The following NSG2 variants were observed in gnomAD, a reference collection of about 807,000 sequenced individuals.
NSG2 encodes the protein neuronal vesicle trafficking associated 2.
Under a neutral mutation model 16.9 loss-of-function variants are expected in NSG2, and 4 were observed. The ratio of observed to expected loss-of-function variants is 0.24; its 90% CI spans 0.12 to 0.54. The LOEUF is 0.54. Among genes scored for constraint, NSG2 ranks in the 20% least tolerant of loss-of-function variants. The pLI, the probability that NSG2 is intolerant of heterozygous loss-of-function variation, is 0.95. For synonymous variants in NSG2, 98 were observed against 88.7 expected (o/e 1.11, Z -0.59); for missense variants, 179 against 221.1 (o/e 0.81, Z 1.21).
rs776927072 is a variant in NSG2 at position 174,064,232 on chromosome 5, G to T, written c.130G>T (p.Val44Leu). 5 of 1,606,008 alleles carry T rather than the reference G, an allele frequency of 3.1e-6. No homozygotes were observed. The highest frequency in any genetic ancestry group is 4.3e-6 in the Non-Finnish European group (5 of 1,174,752). The change falls in exon 3 of 5, where the codon GTG (valine) becomes TTG (leucine). Residue 44 changes from valine (V) to leucine (L), a missense_variant and splice_region_variant. Physicochemically the swap from Val to Leu is conservative, Grantham distance 32 (BLOSUM62 1). Transcript: ENST00000303177. ...CTAACACACTGGTTGACTCTTTCAG[G>T]TGATTGTGAAGACAAGAACGGAATA... ...NHLQLPAPEK[V>L]IVKTRTEYQP...
chr5:174,055,738 A>G (rs2113423917), intron 2 of NSG2, among the ~76,000 whole-genome samples: 1 of 152,358 alleles, frequency 6.6e-6, no homozygotes, highest in Non-Finnish European at 1.5e-5. Context: ...AGTTTATTCC[A>G]TGGAAAGAGC....
chr5:174,097,129 T>C (rs1281041200), intron 3 of NSG2, among the ~76,000 whole-genome samples: 6 of 151,562 alleles, frequency 4.0e-5, no homozygotes, highest in South Asian at 2.1e-4. Context: ...GGAGGGAGGG[T>C]GGTGGGGCAG....
At chr5:174,078,676 G>A (rs1760389437) in intron 3 of NSG2, among the ~76,000 whole-genome samples, 1 of 152,168 alleles carries the variant, frequency 6.6e-6, no homozygotes. Flanking sequence ...GAAGTGATTA[G>A]GTCACGGGGG....
intron 3 of NSG2, among the ~76,000 whole-genome samples, chr5:174,099,177 C>T (rs1033450496): frequency 3.9e-5 from 6 of 152,112 alleles, no homozygotes; most frequent in Admixed American, 2.6e-4. Flanking sequence ...CAGGATGCCT[C>T]GCAGAACTGA....
chr5:174,066,627 A>G (rs1760143510), intron 3 of NSG2, among the ~76,000 whole-genome samples: 1 of 152,134 alleles, frequency 6.6e-6, no homozygotes, highest in Admixed American at 6.5e-5. Flanking sequence ...TCCAAATTTT[A>G]TGCAATGTGC....
chr5:174,060,294 AT>A (rs1322333426), intron 2 of NSG2, among the ~76,000 whole-genome samples: 1 of 152,116 alleles, frequency 6.6e-6, no homozygotes, highest in Admixed American at 6.5e-5. Context: ...CGGTTTTCAG[AT>A]TTTTCAAAAG....
chr5:174,071,610 G>T (rs1760243411), intron 3 of NSG2, among the ~76,000 whole-genome samples: 1 of 152,182 alleles, frequency 6.6e-6, no homozygotes, highest in African/African-American at 2.4e-5. Context: ...GATTTTTGCT[G>T]TTTCATCCGC....
intron 3 of NSG2, among the ~76,000 whole-genome samples, chr5:174,090,239 GA>G (rs1760700805): frequency 6.6e-6 from 1 of 152,084 alleles, no homozygotes; most frequent in South Asian, 2.1e-4. Flanking sequence ...CAAAAGAAAA[GA>G]AAAAAAGAGC....
At chr5:174,075,941 G>C (rs1760333945) in intron 3 of NSG2, among the ~76,000 whole-genome samples, 1 of 152,208 alleles carries the variant, frequency 6.6e-6, no homozygotes, top group South Asian at 2.1e-4. Context: ...CAAGTAACTG[G>C]GAGGGAATTT....
intron 3 of NSG2, among the ~76,000 whole-genome samples, chr5:174,082,075 G>A (rs552177807): frequency 8.5e-5 from 13 of 152,162 alleles, no homozygotes; most frequent in Non-Finnish European, 1.6e-4. Context: ...AAGAATTAAC[G>A]TACAAATAAA....
chr5:174,078,453 G>A (rs12515506), intron 3 of NSG2, among the ~76,000 whole-genome samples: 17,497 of 152,090 alleles, frequency 0.12, 1,209 homozygotes, highest in African/African-American at 0.19. Context: ...CCTGTTAATG[G>A]TTGTAGACAG....
At chr5:174,106,505 T>C (rs1005228587) in intron 4 of NSG2, among the ~76,000 whole-genome samples, 1 of 151,502 alleles carries the variant, frequency 6.6e-6, no homozygotes. Context: ...GTCATATTGG[T>C]GCTATTTTGT....
chr5:174,086,420 C>G (rs1760622767), intron 3 of NSG2: 1 of 152,194 alleles, frequency 6.6e-6, no homozygotes, highest in Non-Finnish European at 1.5e-5. Flanking sequence ...ATCAGATCAG[C>G]CATGTTAGAA....
At chr5:174,098,747 T>G (rs2113473977) in intron 3 of NSG2, among the ~76,000 whole-genome samples, 1 of 152,272 alleles carries the variant, frequency 6.6e-6, no homozygotes, top group East Asian at 1.9e-4. Flanking sequence ...CGGCTCACAG[T>G]AGGCCCTTTA....
At chr5:174,097,454 G>A (rs1760815423) in intron 3 of NSG2, among the ~76,000 whole-genome samples, 1 of 151,118 alleles carries the variant, frequency 6.6e-6, no homozygotes, top group Non-Finnish European at 1.5e-5. Context: ...GGATGTCTGG[G>A]GGGAGGCTGT....
chr5:174,084,812 G>T (rs1353899921), intron 3 of NSG2, among the ~76,000 whole-genome samples: 1 of 152,238 alleles, frequency 6.6e-6, no homozygotes, highest in Non-Finnish European at 1.5e-5. Flanking sequence ...TCGGCTGAGG[G>T]AAGATAATTT....
chr5:174,093,333 T>C (rs887406657), intron 3 of NSG2, among the ~76,000 whole-genome samples: 4 of 152,210 alleles, frequency 2.6e-5, no homozygotes, highest in African/African-American at 9.7e-5. Flanking sequence ...AGGGCTTTTA[T>C]GCACTACCAC....
chr5:174,079,680 G>T (rs1253733019), intron 3 of NSG2, among the ~76,000 whole-genome samples: 1 of 152,100 alleles, frequency 6.6e-6, no homozygotes, highest in Non-Finnish European at 1.5e-5. Flanking sequence ...CTCCTGATTT[G>T]TGTTGCTACC....
At chr5:174,052,248 G>C (rs1312284212) in intron 2 of NSG2, among the ~76,000 whole-genome samples, 2 of 152,220 alleles carry the variant, frequency 1.3e-5, no homozygotes, top group Non-Finnish European at 2.9e-5. Context: ...TCTGACACCA[G>C]TTAGAAGGCC....
Sources: gnomAD v4.1 joint callset for allele counts (sites outside exome capture counted in the v4.1 genomes callset) on GRCh38, gnomAD v4.1.1 for gene constraint, MANE v1.5 for transcripts, NCBI Gene and HGNC (gene_info 2026-07-23, HGNC 2026-07-21) for gene names.